Variants in TMEM132D observed in about 807,000 individuals in gnomAD.
TMEM132D encodes the protein mature OL transmembrane protein.
TMEM132D carries 21 observed loss-of-function variants against 62.3 expected under a neutral mutation model. The ratio of observed to expected loss-of-function variants is 0.34; its 90% confidence interval spans 0.24 to 0.49. TMEM132D has a LOEUF of 0.49. Ranked by LOEUF, TMEM132D falls within the 20% of genes least tolerant of loss-of-function variation. The pLI is 0.99. For synonymous variants in TMEM132D, 621 were observed against 575.6 expected (o/e 1.08, Z -1.13); for missense variants, 1,346 against 1,402.8 (o/e 0.96, Z 0.65).
intron 8 of TMEM132D, 68 bp downstream of exon 8, chr12:129,078,466 G>GC: frequency 6.6e-7 from 1 of 1,516,896 alleles, no homozygotes; most frequent in Non-Finnish European, 9.0e-7. Context: ...CTGGCGTGGT[G>GC]CCTGCCTGGT....
At chr12:129,268,100 A>T (rs1593317170) in intron 4 of TMEM132D, among the ~76,000 whole-genome samples, 1 of 152,328 alleles carries the variant, frequency 6.6e-6, no homozygotes, top group East Asian at 1.9e-4. Flanking sequence ...AACCTAGGCA[A>T]TACCATTCAG....
chr12:129,838,526 G>T (rs529323826), intron 1 of TMEM132D, among the ~76,000 whole-genome samples: 1 of 152,290 alleles, frequency 6.6e-6, no homozygotes, highest in Non-Finnish European at 1.5e-5. Flanking sequence ...AAAGAAAGAG[G>T]AGTAAGAAAA....
At chr12:129,798,181 C>A (rs1871622769) in intron 1 of TMEM132D, among the ~76,000 whole-genome samples, 1 of 152,192 alleles carries the variant, frequency 6.6e-6, no homozygotes, top group Admixed American at 6.5e-5. Context: ...ACCATGCTTC[C>A]TGTACAGCCT....
At chr12:129,510,357 G>T (rs1231270127) in intron 3 of TMEM132D, among the ~76,000 whole-genome samples, 1 of 151,968 alleles carries the variant, frequency 6.6e-6, no homozygotes, top group Admixed American at 6.6e-5. Context: ...ATATATTCTG[G>T]TTATTAATGC....
At chr12:129,489,356 C>T (rs943785826) in intron 3 of TMEM132D, among the ~76,000 whole-genome samples, 1 of 152,168 alleles carries the variant, frequency 6.6e-6, no homozygotes, top group African/African-American at 2.4e-5. Flanking sequence ...CTGGGGAATA[C>T]ATATCATCCT....
At chr12:129,574,050 T>G (rs769400212) in intron 2 of TMEM132D, among the ~76,000 whole-genome samples, 3 of 152,052 alleles carry the variant, frequency 2.0e-5, no homozygotes, top group East Asian at 3.9e-4. Context: ...ATTGGTACAT[T>G]TAAGATGTCT....
intron 2 of TMEM132D, among the ~76,000 whole-genome samples, chr12:129,688,144 A>G (rs780823675): frequency 6.6e-6 from 1 of 152,158 alleles, no homozygotes; most frequent in Non-Finnish European, 1.5e-5. Context: ...AATTCATGAA[A>G]CTGTGTGCAA....
At chr12:129,798,572 A>AT (rs1871634321) in intron 1 of TMEM132D, among the ~76,000 whole-genome samples, 1 of 152,178 alleles carries the variant, frequency 6.6e-6, no homozygotes, top group African/African-American at 2.4e-5. Flanking sequence ...CACTAATCTA[A>AT]TGGGTACATG....
At chr12:129,408,547 A>G (rs948085412) in intron 3 of TMEM132D, among the ~76,000 whole-genome samples, 4 of 151,752 alleles carry the variant, frequency 2.6e-5, no homozygotes, top group African/African-American at 9.7e-5. Context: ...GTTTTCAAAA[A>G]GTTTTTCTTG....
chr12:129,576,355 A>C (rs1180241737), intron 2 of TMEM132D, among the ~76,000 whole-genome samples: 1 of 151,864 alleles, frequency 6.6e-6, no homozygotes, highest in Admixed American at 6.6e-5. Context: ...AATGAGCTCC[A>C]TGAAAATGGT....
At chr12:129,230,172 C>A (rs1302218943) in intron 4 of TMEM132D, among the ~76,000 whole-genome samples, 1 of 152,138 alleles carries the variant, frequency 6.6e-6, no homozygotes, top group Non-Finnish European at 1.5e-5. Context: ...GAGGTCTATG[C>A]TTCCCTTTCC....
At chr12:129,230,487 AG>A (rs1254641707) in intron 4 of TMEM132D, among the ~76,000 whole-genome samples, 1 of 152,276 alleles carries the variant, frequency 6.6e-6, no homozygotes, top group East Asian at 1.9e-4. Flanking sequence ...TCTGTGATCA[AG>A]ATTATGGACA....
At chr12:129,742,913 TG>T (rs1307766588) in intron 1 of TMEM132D, among the ~76,000 whole-genome samples, 2 of 152,240 alleles carry the variant, frequency 1.3e-5, no homozygotes, top group African/African-American at 4.8e-5. Context: ...AAGAACCCAC[TG>T]GGAAGCCAGA....
At chr12:129,486,506 G>A (rs562568539) in intron 3 of TMEM132D, among the ~76,000 whole-genome samples, 33 of 152,176 alleles carry the variant, frequency 2.2e-4, no homozygotes, top group African/African-American at 7.5e-4. Flanking sequence ...ATATAAAACC[G>A]AGTCTCTGAG....
chr12:129,116,478 T>C (rs1298464322), intron 5 of TMEM132D, among the ~76,000 whole-genome samples: 1 of 151,586 alleles, frequency 6.6e-6, no homozygotes, highest in African/African-American at 2.4e-5. Flanking sequence ...TGGGAAACAA[T>C]AGTTGCAAAC....
rs151077797 is a variant in TMEM132D, at chr12:129,786,669, T to A, written c.80-85971A>T. Among the ~76,000 whole-genome samples, 915 of 152,288 alleles carry A rather than the reference T, an allele frequency of 6.0e-3. 3 individuals carry two copies. The highest frequency in any genetic ancestry group is 0.01 in the Middle Eastern group (3 of 294). ...ACTCTGGGAGGCCAAGGCGGGCAGA[T>A]CACCTGAGGTCGGGAGTTCGAGATC... On this transcript the variant is annotated intron_variant, in intron 1 of 8. Coordinates refer to ENST00000422113, the MANE Select transcript of TMEM132D (RefSeq NM_133448.3).
chr12:129,603,904 G>T (rs1472486293), intron 2 of TMEM132D, among the ~76,000 whole-genome samples: 2 of 152,128 alleles, frequency 1.3e-5, no homozygotes, highest in Admixed American at 6.6e-5. Context: ...CAATAGCAAA[G>T]ACTTGGAACC....
intron 1 of TMEM132D, among the ~76,000 whole-genome samples, chr12:129,901,384 G>C (rs1225942122): frequency 6.6e-6 from 1 of 152,068 alleles, no homozygotes; most frequent in African/African-American, 2.4e-5. Flanking sequence ...TAGGGGTGTT[G>C]ATTTTTTTCT....
intron 2 of TMEM132D, among the ~76,000 whole-genome samples, chr12:129,539,798 A>T (rs529724959): frequency 6.6e-6 from 1 of 152,156 alleles, no homozygotes; most frequent in Non-Finnish European, 1.5e-5. Context: ...TGCTGCTTTG[A>T]TCACAGATCA....
Sources: gnomAD v4.1 joint callset for allele counts (sites outside exome capture counted in the v4.1 genomes callset) on GRCh38, gnomAD v4.1.1 for gene constraint, MANE v1.5 for transcripts, NCBI Gene and HGNC (gene_info 2026-07-23, HGNC 2026-07-21) for gene names.